Variants in DDX19B observed in about 807,000 individuals in gnomAD.
The protein encoded by DDX19B is ATP-dependent RNA helicase DDX19B.
In DDX19B, 27 loss-of-function variants were observed where a neutral mutation model predicts 58.1. The ratio of observed to expected loss-of-function variants is 0.46; its 90% CI spans 0.34 to 0.64. The LOEUF (loss-of-function observed/expected upper bound fraction) is 0.64, where lower values mean the gene tolerates loss of function less well. Among genes scored for constraint, DDX19B ranks in the 30% least tolerant of loss-of-function variants. DDX19B has a pLI of 0.01. For missense variants in DDX19B, 399 were observed against 596.5 expected, an observed-to-expected ratio of 0.67 and a Z score of 3.45; for synonymous variants, 187 against 214.4, an observed-to-expected ratio of 0.87 and a Z score of 1.12.
chr16:70,313,879 C>T (rs1283334315), intron 2 of DDX19B, among the ~76,000 whole-genome samples: 1 of 152,114 alleles, frequency 6.6e-6, no homozygotes, highest in African/African-American at 2.4e-5. Context: ...GAAGCCAAGG[C>T]TGGCGGATAA....
intron 2 of DDX19B, among the ~76,000 whole-genome samples, chr16:70,314,311 C>T (rs775995454): frequency 3.9e-5 from 6 of 152,020 alleles, no homozygotes; most frequent in Non-Finnish European, 7.4e-5. Flanking sequence ...AGTATTGATT[C>T]AATGAGGGAA....
intron 1 of DDX19B, among the ~76,000 whole-genome samples, chr16:70,311,533 C>T (rs1012154584): frequency 6.6e-6 from 1 of 152,206 alleles, no homozygotes; most frequent in African/African-American, 2.4e-5. Context: ...TAGGCCCTGT[C>T]AGGAAGGTAT....
At chr16:70,305,666 GA>G (rs972709874) in intron 1 of DDX19B, among the ~76,000 whole-genome samples, 3 of 151,392 alleles carry the variant, frequency 2.0e-5, no homozygotes, top group Non-Finnish European at 4.4e-5. Flanking sequence ...TATACACTTA[GA>G]AAAAAAACAC....
chr16:70,309,275 C>T (rs1478773764), intron 1 of DDX19B, among the ~76,000 whole-genome samples: 1 of 151,964 alleles, frequency 6.6e-6, no homozygotes, highest in Admixed American at 6.6e-5. Context: ...GCGGGCAGAT[C>T]ACGAGGTCAG....
At chr16:70,325,356 C>T (rs530906449) in intron 6 of DDX19B, among the ~76,000 whole-genome samples, 3 of 152,280 alleles carry the variant, frequency 2.0e-5, no homozygotes, top group African/African-American at 7.2e-5. Flanking sequence ...ATTGCAGTGG[C>T]CAGTATCTGT....
intron 9 of DDX19B, among the ~76,000 whole-genome samples, 159 bp from the exon 10 acceptor site, chr16:70,331,563 G>A (rs74954378): frequency 0.037 from 5,590 of 152,306 alleles, 154 homozygotes; most frequent in East Asian, 0.11. Context: ...GACTACAGGT[G>A]TGTACTACCA....
upstream of DDX19B, among the ~76,000 whole-genome samples, chr16:70,296,926 ATT>A (rs1341568026): frequency 2.0e-5 from 3 of 151,748 alleles, no homozygotes; most frequent in African/African-American, 7.3e-5. Context: ...TTATTTATGT[ATT>A]TATTTGAGAC....
At chr16:70,304,288 C>G (rs1184558284) in intron 1 of DDX19B, among the ~76,000 whole-genome samples, 1 of 151,316 alleles carries the variant, frequency 6.6e-6, no homozygotes, top group East Asian at 1.9e-4. Flanking sequence ...ATCTGCCCGC[C>G]TCGGCCTCCC....
upstream of DDX19B, chr16:70,294,678 C>T (rs1354099702): frequency 1.0e-5 from 5 of 480,804 alleles, no homozygotes; most frequent in East Asian, 1.7e-4. Flanking sequence ...CTGCGGGAGG[C>T]TTGCGCTTGT....
chr16:70,331,858 T>C lies in DDX19B; in HGVS notation c.1160T>C (p.Leu387Ser). The change falls in exon 10 of 12, where the codon TTG becomes TCG. Residue 387 changes from leucine (L) to serine (S), a missense_variant. This residue lies in a region of DDX19B where 198 missense variants were observed against 345.9 expected (regional missense o/e 0.57). Transcript: ENST00000288071. ...TTCCGAGAGGGCAAAGAGAAGGTTT[T>C]GGTGACCACCAACGTGTGTGCCCGC... is the stretch of plus-strand genomic sequence containing the variant. The part of the protein sequence containing the change: ...ERFREGKEKV[L>S]VTTNVCARGI... 6.2e-7 allele frequency: 1 copy of C among 1,614,130 alleles called. No homozygotes were observed. The highest frequency in any genetic ancestry group is 8.5e-7 in the Non-Finnish European group (1 of 1,180,016).
upstream of DDX19B, among the ~76,000 whole-genome samples, chr16:70,290,475 C>A (rs574008021): frequency 6.6e-6 from 1 of 151,898 alleles, no homozygotes; most frequent in Non-Finnish European, 1.5e-5. Context: ...TGCGGTGAGC[C>A]GAGATGGCGC....
At chr16:70,292,180 G>T (rs1961074827), upstream of DDX19B, among the ~76,000 whole-genome samples, 1 of 151,846 alleles carries the variant, frequency 6.6e-6, no homozygotes, top group South Asian at 2.1e-4. Context: ...TTTTTTTGAG[G>T]CAGAGTTTCA....
Position 70,315,987 on chromosome 16 carries a change from C to G in DDX19B, c.179C>G (p.Ser60Cys). 1 of 1,614,028 alleles carries G rather than the reference C, an allele frequency of 6.2e-7. No homozygotes were observed. The highest frequency in any genetic ancestry group is 8.5e-7 in the Non-Finnish European group (1 of 1,180,012). Reference protein sequence around the residue: ...EEEKEDRAAQSLLNKLIRSNL... With the variant: ...EEEKEDRAAQCLLNKLIRSNL... ...CTGACAGAGGACAGAGCTGCCCAGT[C>G]CTTACTCAACAAGCTGATCAGAAGC... is the stretch of plus-strand genomic sequence containing the variant. The change falls in exon 4 of 12, where the codon TCC (serine) becomes TGC (cysteine). Residue 60 changes from serine to cysteine, a missense_variant. By Grantham distance (112) the Ser-to-Cys change is moderately radical (BLOSUM62 -1). This residue lies in a region of DDX19B where 132 missense variants were observed against 159.4 expected (regional missense o/e 0.83). Transcript: ENST00000288071.
At chr16:70,331,581 T>A in intron 9 of DDX19B, 141 bp from the exon 10 acceptor site, 1 of 1,143,716 alleles carries the variant, frequency 8.7e-7, no homozygotes, top group Non-Finnish European at 1.2e-6. Flanking sequence ...CCATGCTTCA[T>A]TGAGAAATTT....
chr16:70,334,822 C>G lies in DDX19B; in HGVS notation c.*1240C>G, dbSNP rs2152217862. The G allele has an allele frequency of 6.6e-6, 1 of 152,302 alleles. No homozygotes were observed. Among genetic ancestry groups the G allele is most frequent in the African/African-American group, 2.4e-5 (1 of 41,560 alleles). The allele number at this position is 152,302 out of a possible 1,614,324, so 9.4% of individuals were successfully genotyped here. The stretch of plus-strand genomic sequence containing the variant: ...TCACACCTGGCCAAGGCTGTTGGTA[C>G]CCACGAAATGACAGCAAAGATGAGA... On this transcript the variant is annotated 3_prime_UTR_variant, in exon 12 of 12. Coordinates refer to ENST00000288071, the MANE Select transcript of DDX19B (RefSeq NM_007242.7).
At chr16:70,308,837 G>C (rs529889716) in intron 1 of DDX19B, among the ~76,000 whole-genome samples, 8 of 151,592 alleles carry the variant, frequency 5.3e-5, no homozygotes, top group Non-Finnish European at 1.2e-4. Context: ...AAAGTTCTAG[G>C]GTGCATGTGC....
At chr16:70,304,093 G>A (rs1961617978) in intron 1 of DDX19B, among the ~76,000 whole-genome samples, 1 of 151,520 alleles carries the variant, frequency 6.6e-6, no homozygotes, top group African/African-American at 2.4e-5. Flanking sequence ...AGGCTGGAGT[G>A]CAGTGGCGCA....
At chr16:70,294,659 C>T, upstream of DDX19B, 1 of 451,202 alleles carries the variant, frequency 2.2e-6, no homozygotes, top group Non-Finnish European at 3.9e-6. Flanking sequence ...TAGCAGGAAA[C>T]AAAGCCCTCT....
intron 1 of DDX19B, among the ~76,000 whole-genome samples, chr16:70,306,973 G>A (rs1364640207): frequency 6.6e-6 from 1 of 152,160 alleles, no homozygotes; most frequent in African/African-American, 2.4e-5. Context: ...GGAACATACG[G>A]TATGTGATCC....
Sources: allele counts gnomAD v4.1 joint callset (sites outside exome capture counted in the v4.1 genomes callset), GRCh38; gene constraint gnomAD v4.1.1; regional missense constraint gnomAD v4.1.1; transcripts MANE v1.5; gene names NCBI Gene and HGNC (gene_info 2026-07-23, HGNC 2026-07-21).